EPS15: variants seen among roughly 807,000 people sequenced by gnomAD.
EPS15 encodes the protein epidermal growth factor receptor substrate 15.
Under a neutral mutation model 113.8 loss-of-function variants are expected in EPS15, and 72 were observed. That is an observed-to-expected ratio of 0.63 (90% CI 0.52 to 0.77). The LOEUF (loss-of-function observed/expected upper bound fraction) is 0.77. Ranked by LOEUF, EPS15 falls within the 30% of genes least tolerant of loss-of-function variation. The pLI, the probability that EPS15 is intolerant of heterozygous loss-of-function variation, is 0.00. For missense variants in EPS15, 1,048 were observed against 1,045.8 expected (o/e 1.00, Z -0.03); for synonymous variants, 344 against 363.4 (o/e 0.95, Z 0.61).
chr1:51,370,493 T>C (rs946656359), intron 21 of EPS15, among the ~76,000 whole-genome samples: 7 of 152,272 alleles, frequency 4.6e-5, no homozygotes, highest in Admixed American at 4.6e-4. Context: ...ATTTTCAAAT[T>C]TTAGATTTTT....
At chr1:51,477,568 CCTG>C (rs1163498117) in intron 2 of EPS15, among the ~76,000 whole-genome samples, 3 of 152,048 alleles carry the variant, frequency 2.0e-5, no homozygotes, top group Admixed American at 2.0e-4. Context: ...TTAGATCTTT[CCTG>C]CTTTCTCTTG....
At chr1:51,479,166 T>C (rs1643973136) in intron 2 of EPS15, among the ~76,000 whole-genome samples, 1 of 152,208 alleles carries the variant, frequency 6.6e-6, no homozygotes, top group African/African-American at 2.4e-5. Context: ...CCTTTTACTC[T>C]TTTTTCTCTA....
At chr1:51,432,958 G>C (rs529469199) in intron 12 of EPS15, among the ~76,000 whole-genome samples, 2 of 152,118 alleles carry the variant, frequency 1.3e-5, no homozygotes, top group African/African-American at 4.8e-5. Context: ...CATCAAGTTG[G>C]ATCATAAGCA....
chr1:51,376,816 A>C (rs577519109), intron 21 of EPS15, among the ~76,000 whole-genome samples: 173 of 152,246 alleles, frequency 1.1e-3, no homozygotes, highest in Non-Finnish European at 1.9e-3. Flanking sequence ...TAATTCTTGC[A>C]AATCAAGGAG....
chr1:51,410,321 G>T (rs1649586992), intron 13 of EPS15, among the ~76,000 whole-genome samples: 2 of 151,602 alleles, frequency 1.3e-5, no homozygotes, highest in African/African-American at 4.9e-5. Context: ...AGCCCAGGAG[G>T]TCAAGGCTGC....
At chr1:51,394,284 G>T in intron 21 of EPS15, 97 bp downstream of exon 21, 1 of 681,662 alleles carries the variant, frequency 1.5e-6, no homozygotes, top group Non-Finnish European at 2.4e-6. Flanking sequence ...TAATTTTAAA[G>T]CTATAAATAA....
At chr1:51,507,736 A>G (rs1644522149) in intron 1 of EPS15, among the ~76,000 whole-genome samples, 2 of 152,060 alleles carry the variant, frequency 1.3e-5, no homozygotes, top group South Asian at 2.1e-4. Flanking sequence ...GTGTGTGTGT[A>G]TGAAAGAGAG....
chr1:51,389,819 T>C (rs1647208709), intron 21 of EPS15, among the ~76,000 whole-genome samples: 3 of 152,292 alleles, frequency 2.0e-5, no homozygotes, highest in South Asian at 2.1e-4. Context: ...TAAAAGAGGA[T>C]ACAAACAAAT....
At chr1:51,423,218 A>T (rs1650928559) in intron 12 of EPS15, 1 of 1,288,836 alleles carries the variant, frequency 7.8e-7, no homozygotes, top group Admixed American at 2.3e-5. Context: ...CGTTTGTCAG[A>T]TGGGTCGCAA....
intron 8 of EPS15, among the ~76,000 whole-genome samples, chr1:51,455,611 T>G (rs558061474): frequency 6.6e-6 from 1 of 151,738 alleles, no homozygotes; most frequent in Non-Finnish European, 1.5e-5. Flanking sequence ...AAAAGAAAAA[T>G]TTGCTCCTTT....
chr1:51,454,687 C>A (rs537934765), intron 8 of EPS15, among the ~76,000 whole-genome samples: 99 of 152,226 alleles, frequency 6.5e-4, no homozygotes, highest in African/African-American at 2.3e-3. Context: ...ACCAGAGAGA[C>A]TGAAAACATG....
intron 12 of EPS15, among the ~76,000 whole-genome samples, chr1:51,422,558 C>A (rs2148450869): frequency 6.6e-6 from 1 of 152,366 alleles, no homozygotes. Context: ...TCCGCTTTTA[C>A]TTTGAAACAT....
chr1:51,396,316 T>G (rs1373297828), intron 20 of EPS15, among the ~76,000 whole-genome samples: 1 of 152,256 alleles, frequency 6.6e-6, no homozygotes, highest in Non-Finnish European at 1.5e-5. Flanking sequence ...CATCCTTATC[T>G]GAAATGCTTG....
chr1:51,464,579 T>C (rs1276561990), intron 6 of EPS15, among the ~76,000 whole-genome samples: 2 of 152,130 alleles, frequency 1.3e-5, no homozygotes, highest in Non-Finnish European at 2.9e-5. Flanking sequence ...ACATCAAGAT[T>C]TCTCCATTTT....
rs1646194105 is a variant in EPS15, at chr1:51,355,221, C to G, written c.*1479G>C. 1 of 219,824 alleles carries G rather than the reference C, an allele frequency of 4.5e-6. No homozygotes were observed. Among genetic ancestry groups the G allele is most frequent in the Admixed American group, 5.8e-5 (1 of 17,318 alleles). 13.6% of individuals were successfully genotyped at this position (219,824 alleles called of 1,614,324 possible). A position where few individuals can be genotyped will look rare whatever the true frequency, so the allele number is the denominator to read the frequency against. On this transcript the variant is annotated 3_prime_UTR_variant, in exon 25 of 25. Coordinates refer to ENST00000371733, the MANE Select transcript of EPS15 (RefSeq NM_001981.3). ...TAATGGAAAGAAAACAAAACAAGCA[C>G]CATTTCAAGAAGAAATGAATTGGAT... is the stretch of plus-strand genomic sequence containing the variant.
At chr1:51,440,166 G>A (rs185631152) in intron 12 of EPS15, among the ~76,000 whole-genome samples, 181 bp downstream of exon 12, 5 of 152,002 alleles carry the variant, frequency 3.3e-5, no homozygotes, top group Admixed American at 1.3e-4. Context: ...CACTGACTCC[G>A]TTTAAACAGA....
chr1:51,515,307 C>A (rs1207562600), intron 1 of EPS15, among the ~76,000 whole-genome samples: 1 of 150,922 alleles, frequency 6.6e-6, no homozygotes, highest in African/African-American at 2.4e-5. Flanking sequence ...CCTGTCTCTA[C>A]AAAAAAATTT....
chr1:51,407,708 AC>A (rs1343669817), intron 15 of EPS15, among the ~76,000 whole-genome samples: 1 of 152,248 alleles, frequency 6.6e-6, no homozygotes, highest in Non-Finnish European at 1.5e-5. Context: ...TGTTTATAAA[AC>A]AGGCAACACT....
intron 21 of EPS15, among the ~76,000 whole-genome samples, chr1:51,383,648 C>T (rs1410021040): frequency 3.3e-5 from 5 of 152,196 alleles, no homozygotes. Context: ...CTCACCTCCT[C>T]CTGTGCAGCC....
Sources: allele counts gnomAD v4.1 joint callset (sites outside exome capture counted in the v4.1 genomes callset), GRCh38; gene constraint gnomAD v4.1.1; transcripts MANE v1.5; gene names NCBI Gene and HGNC (gene_info 2026-07-23, HGNC 2026-07-21).